Variants in ADGRL2 observed in about 807,000 individuals in gnomAD.
The protein encoded by ADGRL2 is adhesion G protein-coupled receptor L2, also known as calcium-independent alpha-latrotoxin receptor 2.
A neutral mutation model predicts 157.4 loss-of-function variants in ADGRL2; 44 were observed. The ratio of observed to expected loss-of-function variants is 0.28; its 90% CI spans 0.22 to 0.36. The LOEUF (loss-of-function observed/expected upper bound fraction) is 0.36. Among genes scored for constraint, ADGRL2 ranks in the 10% least tolerant of loss-of-function variants. The pLI is 1.00. For missense variants in ADGRL2, 1,510 were observed against 1,768.9 expected (o/e 0.85, Z 2.63); for synonymous variants, 585 against 624.7 (o/e 0.94, Z 0.95).
rs74741228 is a variant in ADGRL2 at position 81,888,768 on chromosome 1, T to G, written c.74-18249T>G. ...CGCCCGGCCTGCTTTTTTTATAAAT[T>G]GAAGGTTTATGGAAACCTTGTTTCC... On this transcript the variant is annotated intron_variant, in intron 2 of 23. Transcript: ENST00000686636. Among the ~76,000 whole-genome samples, 1,321 of 152,248 alleles carry G rather than the reference T, an allele frequency of 8.7e-3. 22 individuals carry two copies. The highest frequency in any genetic ancestry group is 0.03 in the African/African-American group (1,233 of 41,536).
At chr1:81,872,463 T>C (rs995216728) in intron 2 of ADGRL2, among the ~76,000 whole-genome samples, 2 of 152,164 alleles carry the variant, frequency 1.3e-5, no homozygotes, top group Admixed American at 1.3e-4. Flanking sequence ...TGCTGGAAGA[T>C]GAAAAATAAA....
intron 1 of ADGRL2, among the ~76,000 whole-genome samples, chr1:81,433,076 G>A (rs114837230): frequency 3.1e-4 from 47 of 152,176 alleles, no homozygotes; most frequent in African/African-American, 1.1e-3. Context: ...ACAGACATCC[G>A]GTCACTCCTT....
intron 3 of ADGRL2, among the ~76,000 whole-genome samples, chr1:81,626,556 G>A (rs2081913911): frequency 6.6e-6 from 1 of 152,224 alleles, no homozygotes; most frequent in African/African-American, 2.4e-5. Flanking sequence ...TTACAGGCGT[G>A]AGCACCGCGC....
chr1:81,895,988 T>A (rs2151519554), intron 2 of ADGRL2, among the ~76,000 whole-genome samples: 1 of 152,280 alleles, frequency 6.6e-6, no homozygotes, highest in East Asian at 1.9e-4. Context: ...TTGCTTCTTA[T>A]TTAATTATTT....
At chr1:81,872,783 T>C (rs536421224) in intron 2 of ADGRL2, among the ~76,000 whole-genome samples, 1 of 152,144 alleles carries the variant, frequency 6.6e-6, no homozygotes, top group East Asian at 1.9e-4. Flanking sequence ...TAAGGACTAA[T>C]ACATAAACAA....
At chr1:81,507,648 T>A (rs1043665978) in intron 2 of ADGRL2, among the ~76,000 whole-genome samples, 1 of 152,184 alleles carries the variant, frequency 6.6e-6, no homozygotes, top group Non-Finnish European at 1.5e-5. Context: ...ATCAAGCTGC[T>A]GAGCCGCGTT....
chr1:81,880,694 A>G (rs537862238), intron 2 of ADGRL2, among the ~76,000 whole-genome samples: 13 of 144,032 alleles, frequency 9.0e-5, no homozygotes, highest in African/African-American at 3.3e-4. Flanking sequence ...CGTCCAGTGC[A>G]CACGCGGGCC....
Position 81,943,693 on chromosome 1 carries a change from T to C in ADGRL2, c.1134T>C (p.Asp378=), listed in dbSNP as rs1389328657. 1 of 1,613,642 alleles carries C rather than the reference T, an allele frequency of 6.2e-7. No individual in the cohort carries two copies. Among genetic ancestry groups the C allele is most frequent in the Non-Finnish European group, 8.5e-7 (1 of 1,179,640 alleles). The change falls in exon 6 of 24, where the codon GAT becomes GAC. Residue 378 remains aspartate, a synonymous_variant. Transcript: ENST00000686636. This position sits in a 1 kb window ranked among gnomAD's most constrained non-coding sequence, Gnocchi z 5.6. ...CTGCAGTGGATTACAATCCAAGAGA[T>C]AACCAACTTTACGTGTGGAACAATA... The part of the protein sequence containing the change: ...YIAAVDYNPR[D]NQLYVWNNNF...
intron 8 of ADGRL2, among the ~76,000 whole-genome samples, chr1:81,951,681 TAGC>T (rs1419332570): frequency 2.0e-5 from 3 of 152,116 alleles, no homozygotes; most frequent in African/African-American, 7.2e-5. Flanking sequence ...TTTTAAATGG[TAGC>T]AGTGAAATGA....
At chr1:81,813,950 G>C (rs1459596360) in intron 1 of ADGRL2, among the ~76,000 whole-genome samples, 4 of 151,650 alleles carry the variant, frequency 2.6e-5, no homozygotes. Flanking sequence ...GCTAGGGTAA[G>C]TTCTACCTGT....
chr1:81,938,517 C>T (rs866912624), intron 4 of ADGRL2, among the ~76,000 whole-genome samples: 4 of 151,800 alleles, frequency 2.6e-5, no homozygotes, highest in African/African-American at 7.2e-5. Flanking sequence ...AAGTATTGTA[C>T]GTTGTGCACT....
chr1:81,814,214 A>G (rs2090160603), intron 1 of ADGRL2, among the ~76,000 whole-genome samples: 1 of 151,692 alleles, frequency 6.6e-6, no homozygotes, highest in Non-Finnish European at 1.5e-5. Flanking sequence ...AAAAAATACG[A>G]ATTTATGATA....
At chr1:81,574,117 A>AT (rs985223343) in intron 2 of ADGRL2, among the ~76,000 whole-genome samples, 17 of 147,900 alleles carry the variant, frequency 1.1e-4, no homozygotes, top group Middle Eastern at 3.5e-3. Context: ...CTAAAAATGA[A>AT]TTTTTTTTTA....
chr1:81,619,868 C>T (rs910740860), intron 3 of ADGRL2, among the ~76,000 whole-genome samples: 1 of 151,740 alleles, frequency 6.6e-6, no homozygotes, highest in Admixed American at 6.6e-5. Context: ...GGTTCAAATC[C>T]CTGATCCTTG....
intron 3 of ADGRL2, among the ~76,000 whole-genome samples, chr1:81,680,149 T>G (rs953543189): frequency 3.3e-5 from 5 of 152,184 alleles, no homozygotes; most frequent in African/African-American, 1.2e-4. Context: ...ATGAAACTTA[T>G]CTAAGTGGCC....
chr1:81,335,530 G>A (rs2100725992), intron 1 of ADGRL2, among the ~76,000 whole-genome samples: 1 of 152,282 alleles, frequency 6.6e-6, no homozygotes, highest in Admixed American at 6.5e-5. Flanking sequence ...ACATAATTTA[G>A]TGTGAGAAAT....
intron 1 of ADGRL2, among the ~76,000 whole-genome samples, chr1:81,383,808 C>CAAAA (rs56660027): frequency 3.7e-4 from 39 of 104,294 alleles, no homozygotes; most frequent in East Asian, 5.4e-4. Context: ...ACTAAAAATA[C>CAAAA]AAAAAAAAAA....
chr1:81,485,254 G>A (rs1326626221), intron 2 of ADGRL2, among the ~76,000 whole-genome samples: 1 of 151,810 alleles, frequency 6.6e-6, no homozygotes, highest in African/African-American at 2.4e-5. Context: ...AAATCATTAG[G>A]GAATTTTCAA....
intron 2 of ADGRL2, among the ~76,000 whole-genome samples, chr1:81,458,911 C>T (rs199635528): frequency 5.3e-5 from 8 of 152,218 alleles, no homozygotes; most frequent in East Asian, 1.9e-4. Flanking sequence ...ATTCTTGTCC[C>T]GCCACCAGAA....
Sources: gnomAD v4.1 joint callset for allele counts (sites outside exome capture counted in the v4.1 genomes callset) on GRCh38, gnomAD v4.1.1 for gene constraint, Gnocchi (gnomAD v3.1) non-coding constraint, MANE v1.5 for transcripts, NCBI Gene and HGNC (gene_info 2026-07-23, HGNC 2026-07-21) for gene names.